Variants in KIAA1671 observed in about 807,000 individuals in gnomAD.
The protein encoded by KIAA1671 is uncharacterized protein KIAA1671.
KIAA1671 carries 52 observed loss-of-function variants against 131.2 expected under a neutral mutation model. The observed-to-expected ratio is 0.40, with a 90% confidence interval of 0.32 to 0.50. The LOEUF is 0.50. Ranked by LOEUF, KIAA1671 falls within the 20% of genes least tolerant of loss-of-function variation. KIAA1671 has a pLI of 0.73. For missense variants in KIAA1671, 2,360 were observed against 2,364.2 expected (o/e 1.00, Z 0.04); for synonymous variants, 1,003 against 961.6 (o/e 1.04, Z -0.80).
At position 25,181,842 on chromosome 22, in the gene KIAA1671, A is replaced by C; in HGVS notation, c.5199+19A>C. The C allele has an allele frequency of 6.5e-7, 1 of 1,549,378 alleles. No individual in the cohort carries two copies. Among genetic ancestry groups the C allele is most frequent in the Non-Finnish European group, 8.7e-7 (1 of 1,145,308 alleles). ...GCTAAAGGTACCAGACCTCTCACCA[A>C]GAGTCACCTGGTGGGCATGATCCTC... On this transcript the variant is annotated intron_variant, in intron 10 of 12. Coordinates refer to ENST00000358431, the MANE Select transcript of KIAA1671 (RefSeq NM_001145206.2).
At chr22:25,158,196 G>C (rs535326052) in intron 6 of KIAA1671, among the ~76,000 whole-genome samples, 21 of 152,336 alleles carry the variant, frequency 1.4e-4, no homozygotes, top group South Asian at 6.2e-4. Flanking sequence ...TATAAAAGCA[G>C]ATGGTCCTGT....
chr22:25,013,196 C>A (rs1324973368), intron 1 of KIAA1671: 1 of 152,104 alleles, frequency 6.6e-6, no homozygotes. Flanking sequence ...CTGGAAGAGG[C>A]CTTATTTAAA....
At chr22:25,044,355 A>T (rs1298936349) in intron 5 of KIAA1671, among the ~76,000 whole-genome samples, 1 of 152,172 alleles carries the variant, frequency 6.6e-6, no homozygotes, top group Non-Finnish European at 1.5e-5. Flanking sequence ...ATGTTGTGGT[A>T]ACAGTGGAAG....
chr22:25,178,435 A>G (rs1445172682), intron 9 of KIAA1671, among the ~76,000 whole-genome samples: 1 of 152,252 alleles, frequency 6.6e-6, no homozygotes, highest in Non-Finnish European at 1.5e-5. Context: ...CCACCAGGGC[A>G]GAGGACACAG....
At chr22:24,997,726 G>A (rs532947073) in intron 1 of KIAA1671, among the ~76,000 whole-genome samples, 38 of 152,242 alleles carry the variant, frequency 2.5e-4, no homozygotes, top group African/African-American at 9.1e-4. Flanking sequence ...GCCTCCTTAA[G>A]CATAACATAC....
At position 25,195,220 on chromosome 22, in the gene KIAA1671, A is replaced by G. The variant is rs1934786631; in HGVS notation, c.*2819A>G. 1 of 152,104 alleles carries G rather than the reference A, an allele frequency of 6.6e-6. No homozygotes were observed. Among genetic ancestry groups the G allele is most frequent in the African/African-American group, 2.4e-5 (1 of 41,418 alleles). The allele number at this position is 152,104 out of a possible 1,614,324, so 9.4% of individuals were successfully genotyped here. ...CTCCACCACCCCTTTGCACATCAGC[A>G]TTTTAACAGCTGATCTTTTGAGAAG... On this transcript the variant is annotated 3_prime_UTR_variant, in exon 13 of 13. Coordinates refer to ENST00000358431, the MANE Select transcript of KIAA1671 (RefSeq NM_001145206.2).
intron 11 of KIAA1671, among the ~76,000 whole-genome samples, chr22:25,188,992 T>C (rs972921758): frequency 1.3e-5 from 2 of 152,132 alleles, no homozygotes; most frequent in Admixed American, 1.3e-4. Flanking sequence ...AGAGATTGAT[T>C]TTAAGGAATT....
In KIAA1671 at chr22:25,029,497, A is replaced by G; in HGVS notation, c.1498A>G (p.Arg500Gly). 6.5e-7 allele frequency: 1 copy of G among 1,550,128 alleles called. No individual in the cohort carries two copies. Among genetic ancestry groups the G allele is most frequent in the Non-Finnish European group, 8.7e-7 (1 of 1,146,262 alleles). The change falls in exon 3 of 13, where the codon AGG becomes GGG. Residue 500 changes from arginine to glycine, a missense_variant. By Grantham distance (125) the Arg-to-Gly change is moderately radical (BLOSUM62 -2). Transcript: ENST00000358431. ...SSEAKPEVRR[R>G]TFQARPLSAD... ...AGAGGCTAAGCCCGAGGTCAGGAGG[A>G]GGACGTTCCAGGCTCGGCCGCTGTC...
At position 25,006,163 on chromosome 22, in the gene KIAA1671, C is replaced by T. The variant is rs936292131; in HGVS notation, c.-207-19470C>T. On this transcript the variant is annotated intron_variant, in intron 1 of 12. Transcript: ENST00000358431. ...TCTCCTGCCTCAGCCTCCCGAGTAG[C>T]TGGGACTACATGCGCCCGCCACCAT... 1.2e-4 allele frequency among the ~76,000 whole-genome samples: 18 copies of T among 152,226 alleles called. 1 individual carries two copies. The South Asian group carries it at 3.3e-3, about 28-fold the overall frequency.
chr22:25,029,340 C>G lies in KIAA1671; in HGVS notation c.1341C>G (p.Asp447Glu). 6.5e-7 allele frequency: 1 copy of G among 1,549,408 alleles called. No homozygotes were observed. Among genetic ancestry groups the G allele is most frequent in the South Asian group, 1.2e-5 (1 of 83,816 alleles). Residue 447 changes from aspartate (D) to glutamate (E), a missense_variant, in exon 3 of 13, where the codon GAC becomes GAG. Transcript: ENST00000358431. Reference sequence around the variant, plus strand: ...AGTGCATCAGCCTGTTTCGGGAGGACAGCACCTTGGCCTTGGCAGTGGGGT... The same window carrying G: ...AGTGCATCAGCCTGTTTCGGGAGGAGAGCACCTTGGCCTTGGCAGTGGGGT... ...VRKCISLFRE[D>E]STLALAVGSE...
chr22:25,133,925 C>T (rs1355625787), intron 6 of KIAA1671, among the ~76,000 whole-genome samples: 2 of 152,164 alleles, frequency 1.3e-5, no homozygotes, highest in African/African-American at 4.8e-5. Context: ...ACATTGGTGT[C>T]CCTTCCAGAT....
intron 10 of KIAA1671, among the ~76,000 whole-genome samples, chr22:25,184,207 A>C (rs896487529): frequency 6.6e-6 from 1 of 152,278 alleles, no homozygotes; most frequent in South Asian, 2.1e-4. Flanking sequence ...ATCCCAGTTC[A>C]TAAAAGCTGT....
In KIAA1671 at chr22:25,126,875, T is replaced by C. The variant is rs983297284; in HGVS notation, c.4531-43945T>C. ...AAGCCCTGTAGTCAGCTGTGTAATA[T>C]GTTAAAAATAATGAGACTCCGTCCC... is the stretch of plus-strand genomic sequence containing the variant. On this transcript the variant is annotated intron_variant, in intron 6 of 12. Transcript: ENST00000358431. Among the ~76,000 whole-genome samples, 18 of 152,316 alleles carry C rather than the reference T, an allele frequency of 1.2e-4. No homozygotes were observed. The East Asian group carries it at 3.3e-3, about 28-fold the overall frequency.
At chr22:25,020,224 C>A (rs1925588334) in intron 1 of KIAA1671, among the ~76,000 whole-genome samples, 1 of 152,016 alleles carries the variant, frequency 6.6e-6, no homozygotes, top group African/African-American at 2.4e-5. Flanking sequence ...TTTTTTTTCT[C>A]ATCTGTTAGA....
chr22:25,142,823 C>T (rs956220465), intron 6 of KIAA1671, among the ~76,000 whole-genome samples: 2 of 152,202 alleles, frequency 1.3e-5, no homozygotes, highest in African/African-American at 4.8e-5. Context: ...GAGCCAATCT[C>T]ATGCCACTGC....
At chr22:25,123,190 G>GTTT (rs59051108) in intron 6 of KIAA1671, among the ~76,000 whole-genome samples, 26 of 63,384 alleles carry the variant, frequency 4.1e-4, no homozygotes, top group East Asian at 4.6e-4. Context: ...CTGAGATGAG[G>GTTT]TTTTTTTTTT....
At chr22:25,180,559 TTTC>T (rs1934231578) in intron 9 of KIAA1671, among the ~76,000 whole-genome samples, 2 of 151,388 alleles carry the variant, frequency 1.3e-5, no homozygotes, top group Admixed American at 6.6e-5. Flanking sequence ...GAAGAAAAAA[TTTC>T]TTCTTGCAAT....
intron 11 of KIAA1671, among the ~76,000 whole-genome samples, chr22:25,189,234 A>C (rs938100858): frequency 2.0e-5 from 3 of 149,438 alleles, no homozygotes; most frequent in African/African-American, 7.4e-5. Context: ...ACTCACTGCA[A>C]CCTCCGCCTC....
intron 6 of KIAA1671, among the ~76,000 whole-genome samples, chr22:25,073,566 T>G (rs1928940038): frequency 6.6e-6 from 1 of 152,212 alleles, no homozygotes; most frequent in Non-Finnish European, 1.5e-5. Context: ...TCAACAAATT[T>G]CCAGTATATA....
Sources: gnomAD v4.1 joint callset for allele counts (sites outside exome capture counted in the v4.1 genomes callset) on GRCh38, gnomAD v4.1.1 for gene constraint, MANE v1.5 for transcripts, NCBI Gene and HGNC (gene_info 2026-07-23, HGNC 2026-07-21) for gene names.